The following SYTL2 variants were observed in gnomAD, a reference collection of about 807,000 sequenced individuals.
SYTL2 encodes the protein synaptotagmin-like protein 2.
SYTL2 carries 165 observed loss-of-function variants against 198.7 expected under a neutral mutation model. The ratio of observed to expected loss-of-function variants is 0.83; its 90% CI spans 0.73 to 0.94. SYTL2 has a LOEUF of 0.94. SYTL2 is among the 40% of genes least tolerant of loss of function. The pLI, the probability that SYTL2 is intolerant of heterozygous loss-of-function variation, is 0.00. For synonymous variants in SYTL2, 966 were observed against 917.7 expected (o/e 1.05, Z -0.95); for missense variants, 2,835 against 2,582.8 (o/e 1.10, Z -2.12).
rs1043606782 is a variant in SYTL2, at chr11:85,726,711, G to C, written c.2647C>G (p.Gln883Glu). The change falls in exon 8 of 20, where the codon CAA becomes GAA. Residue 883 changes from glutamine to glutamate, a missense_variant. This residue lies in a region of SYTL2 where 2,645 missense variants were observed against 2,381.7 expected (regional missense o/e 1.11). Coordinates refer to ENST00000359152, the MANE Select transcript of SYTL2 (RefSeq NM_206927.4). ...SSNKSKETKP[Q>E]IAGPSRYYLS... ...TAGTATCTGGATGGACCTGCTATTT[G>C]TGGCTTGGTCTCTTTAGATTTATTT... 11 of 1,536,038 alleles carry C rather than the reference G, an allele frequency of 7.2e-6. No homozygotes were observed. The highest frequency in any genetic ancestry group is 9.6e-6 in the Non-Finnish European group (11 of 1,146,910).
intron 1 of SYTL2, among the ~76,000 whole-genome samples, chr11:85,769,575 A>T (rs1488524842): frequency 2.0e-5 from 3 of 152,236 alleles, no homozygotes; most frequent in Non-Finnish European, 4.4e-5. Flanking sequence ...TAAGCCCCTA[A>T]GTTCATCACA....
rs1401033185 is a variant in SYTL2 at position 85,709,625 on chromosome 11, A to C, written c.5746-125T>G. On this transcript the variant is annotated intron_variant, in intron 13 of 19. Transcript: ENST00000359152. Reference sequence around the variant, plus strand: ...TGCTTATAAAAGCAGTTAATTCAATATAGCATAAAGACATATCTATAAAGA... The same window carrying C: ...TGCTTATAAAAGCAGTTAATTCAATCTAGCATAAAGACATATCTATAAAGA... 48 of 853,624 alleles carry C rather than the reference A, an allele frequency of 5.6e-5. No homozygotes were observed. In the East Asian group the frequency reaches 1.2e-3, roughly 21 times the overall value. 52.9% of individuals were successfully genotyped at this position (853,624 alleles called of 1,614,324 possible). A position where few individuals can be genotyped will look rare whatever the true frequency, so the allele number is the denominator to read the frequency against.
intron 15 of SYTL2, among the ~76,000 whole-genome samples, chr11:85,707,030 G>T (rs2085289431): frequency 1.3e-5 from 2 of 152,114 alleles, no homozygotes; most frequent in South Asian, 4.1e-4. Flanking sequence ...AGTACAGACA[G>T]GGTTTCACCA....
In SYTL2 at chr11:85,711,099, C is replaced by A. The variant is rs1457706457; in HGVS notation, c.5745+14G>T. On this transcript the variant is annotated intron_variant, in intron 13 of 19. Coordinates refer to ENST00000359152, the MANE Select transcript of SYTL2 (RefSeq NM_206927.4). Reference sequence around the variant, plus strand: ...ACGCGGAGAGATATTAATATGGAGCCTTTGTTTACATACAGAAGACAAGGA... The same window carrying A: ...ACGCGGAGAGATATTAATATGGAGCATTTGTTTACATACAGAAGACAAGGA... The A allele has an allele frequency of 1.2e-6, 2 of 1,613,300 alleles. No individual in the cohort carries two copies. Among genetic ancestry groups the A allele is most frequent in the South Asian group, 1.1e-5 (1 of 90,994 alleles).
rs550168191 is a variant in SYTL2 at position 85,694,959 on chromosome 11, T to C, written c.*236A>G. On this transcript the variant is annotated 3_prime_UTR_variant, in exon 20 of 20. Coordinates refer to ENST00000359152, the MANE Select transcript of SYTL2 (RefSeq NM_206927.4). The stretch of plus-strand genomic sequence containing the variant: ...AGCAGCAGCAGAAATTCAATTTTCC[T>C]AGCTTGTTCAAATATCTTATTTAAT... 49 of 347,750 alleles carry C rather than the reference T, an allele frequency of 1.4e-4. No homozygotes were observed. The highest frequency in any genetic ancestry group is 9.9e-4 in the African/African-American group (47 of 47,548). 21.5% of individuals were successfully genotyped at this position (347,750 alleles called of 1,614,324 possible).
intron 2 of SYTL2, among the ~76,000 whole-genome samples, chr11:85,753,418 G>A (rs2091666999): frequency 2.6e-5 from 4 of 152,090 alleles, no homozygotes; most frequent in Admixed American, 2.6e-4. Context: ...CAACATAAAA[G>A]ACAGTGTGGT....
intron 16 of SYTL2, among the ~76,000 whole-genome samples, chr11:85,704,073 G>C (rs1193559273): frequency 1.3e-5 from 2 of 151,940 alleles, no homozygotes; most frequent in East Asian, 1.9e-4. Flanking sequence ...TTTATATTAA[G>C]TGCAAATGGA....
At chr11:85,841,176 G>A in the SYTL2 span, among the ~76,000 whole-genome samples, 1 of 152,148 alleles carries the variant, frequency 6.6e-6, no homozygotes, top group African/African-American at 2.4e-5. Flanking sequence ...AAAAATAGAT[G>A]CTAGTGAGGT....
chr11:85,804,154 T>A (rs2092927195), intron 1 of SYTL2, among the ~76,000 whole-genome samples: 1 of 152,196 alleles, frequency 6.6e-6, no homozygotes, highest in African/African-American at 2.4e-5. Context: ...CACCCCCTAA[T>A]ATTTCCTGAA....
intron 2 of SYTL2, among the ~76,000 whole-genome samples, chr11:85,754,290 C>T (rs1490691062): frequency 6.6e-6 from 1 of 152,116 alleles, no homozygotes; most frequent in East Asian, 1.9e-4. Context: ...GAATTCTCTT[C>T]ATATCATTGT....
chr11:85,750,021 C>T (rs1012938282), intron 2 of SYTL2, among the ~76,000 whole-genome samples: 8 of 152,160 alleles, frequency 5.3e-5, no homozygotes, highest in East Asian at 1.9e-4. Context: ...CCAGCACTCA[C>T]GCCCATACCC....
the SYTL2 span, among the ~76,000 whole-genome samples, chr11:85,824,670 C>T: frequency 7.2e-5 from 11 of 152,216 alleles, no homozygotes; most frequent in African/African-American, 2.7e-4. Flanking sequence ...CTCCTTTTCC[C>T]TGTCCTCCAG....
intron 2 of SYTL2, among the ~76,000 whole-genome samples, chr11:85,751,554 A>T (rs1340477995): frequency 6.6e-6 from 1 of 152,234 alleles, no homozygotes; most frequent in East Asian, 1.9e-4. Context: ...AGTAGAGAGA[A>T]GACGCTCAGT....
chr11:85,830,244 A>G, the SYTL2 span, among the ~76,000 whole-genome samples: 1 of 152,138 alleles, frequency 6.6e-6, no homozygotes, highest in Non-Finnish European at 1.5e-5. Context: ...AGTGATGTTG[A>G]TGTTGCAGGA....
intron 16 of SYTL2, 52 bp downstream of exon 16, chr11:85,704,806 C>A: frequency 6.7e-7 from 1 of 1,499,750 alleles, no homozygotes; most frequent in Non-Finnish European, 9.2e-7. Context: ...TTCCTATACA[C>A]TAGGTACCAC....
At chr11:85,779,872 A>T (rs2153598860) in intron 1 of SYTL2, among the ~76,000 whole-genome samples, 1 of 152,344 alleles carries the variant, frequency 6.6e-6, no homozygotes. Flanking sequence ...ACTGGTGTGT[A>T]CTAGAGAAAG....
chr11:85,712,464 T>G (rs2086473565), intron 12 of SYTL2, among the ~76,000 whole-genome samples: 1 of 152,104 alleles, frequency 6.6e-6, no homozygotes, highest in African/African-American at 2.4e-5. Flanking sequence ...TGATGATAAG[T>G]CTCAAAGGGA....
intron 1 of SYTL2, among the ~76,000 whole-genome samples, chr11:85,810,708 G>A (rs1288691549): frequency 1.3e-5 from 2 of 152,160 alleles, no homozygotes; most frequent in Non-Finnish European, 2.9e-5. Flanking sequence ...CGCCTACCCG[G>A]GCATCCCAGC....
the SYTL2 span, among the ~76,000 whole-genome samples, chr11:85,833,032 AAAG>A: frequency 0.027 from 552 of 20,620 alleles, 47 homozygotes; most frequent in African/African-American, 0.051. Context: ...AGAAAGAAAG[AAAG>A]AAAGAAAGAA....
Sources: gnomAD v4.1 joint callset for allele counts (sites outside exome capture counted in the v4.1 genomes callset) on GRCh38, gnomAD v4.1.1 for gene constraint, gnomAD v4.1.1 regional missense constraint, MANE v1.5 for transcripts, NCBI Gene and HGNC (gene_info 2026-07-23, HGNC 2026-07-21) for gene names.